FBXO25: variants seen among roughly 807,000 people sequenced by gnomAD.
FBXO25 encodes F-box protein 25.
In FBXO25, 45 loss-of-function variants were observed where a neutral mutation model predicts 51.9. The observed-to-expected ratio is 0.87, with a 90% CI of 0.68 to 1.11. The LOEUF is 1.11. Ranked by LOEUF, FBXO25 falls within the 50% of genes most tolerant of loss-of-function variation. The probability of loss-of-function intolerance (pLI) is 0.00; values close to 1 mark genes in which losing one functional copy is unlikely to be tolerated. For missense variants in FBXO25, 507 were observed against 428.5 expected, an observed-to-expected ratio of 1.18 and a Z score of -1.62; for synonymous variants, 199 against 151.0, an observed-to-expected ratio of 1.32 and a Z score of -2.33.
chr8:430,949 T>G (rs1327830936), intron 2 of FBXO25, among the ~76,000 whole-genome samples: 1 of 152,166 alleles, frequency 6.6e-6, no homozygotes, highest in Non-Finnish European at 1.5e-5. Flanking sequence ...AAATGTTGAG[T>G]GGTTACTCAG....
chr8:448,498 C>G (rs1798873624), intron 5 of FBXO25, among the ~76,000 whole-genome samples: 1 of 152,190 alleles, frequency 6.6e-6, no homozygotes, highest in Admixed American at 6.5e-5. Flanking sequence ...TATGTCCAGT[C>G]AAACCATCTT....
intron 1 of FBXO25, among the ~76,000 whole-genome samples, chr8:408,583 G>C (rs1420673268): frequency 6.6e-6 from 1 of 152,232 alleles, no homozygotes; most frequent in Non-Finnish European, 1.5e-5. Context: ...TATGTAGATT[G>C]TTTAGAGTAA....
intron 7 of FBXO25, among the ~76,000 whole-genome samples, chr8:454,935 T>G (rs138153092): frequency 3.9e-4 from 57 of 146,286 alleles, no homozygotes; most frequent in African/African-American, 1.4e-3. Flanking sequence ...GGGGAGAGTA[T>G]CCAGGTGATG....
At chr8:425,442 G>T (rs2117551645) in intron 2 of FBXO25, among the ~76,000 whole-genome samples, 2 of 148,052 alleles carry the variant, frequency 1.4e-5, no homozygotes. Flanking sequence ...GGTTTGTTTT[G>T]GTTGATTATT....
intron 2 of FBXO25, among the ~76,000 whole-genome samples, chr8:428,706 A>G (rs1202254228): frequency 2.0e-5 from 3 of 152,098 alleles, no homozygotes; most frequent in Non-Finnish European, 4.4e-5. Flanking sequence ...TTCATTCTCC[A>G]GCACCCCCAG....
At chr8:452,577 CCTT>C (rs1260740840) in intron 7 of FBXO25, among the ~76,000 whole-genome samples, 5 of 152,196 alleles carry the variant, frequency 3.3e-5, no homozygotes, top group Non-Finnish European at 7.3e-5. Context: ...CAGCAGGTGA[CCTT>C]CTGGGGAGAG....
chr8:475,702 T>C lies in FBXO25; in HGVS notation c.*6898T>C, dbSNP rs542834200. 6.6e-6 allele frequency: 1 copy of C among 152,334 alleles called. No individual in the cohort carries two copies. Among genetic ancestry groups the C allele is most frequent in the East Asian group, 1.9e-4 (1 of 5,192 alleles). 9.4% of individuals were successfully genotyped at this position (152,334 alleles called of 1,614,324 possible). ...ATAATGGAATTTTCTTAAATTTCCT[T>C]TTGAGATTGCTTGTTATTGTATAGA... is the stretch of plus-strand genomic sequence containing the variant. On this transcript the variant is annotated 3_prime_UTR_variant, in exon 10 of 10. Coordinates refer to ENST00000350302, the MANE Select transcript of FBXO25 (RefSeq NM_183420.2).
intron 2 of FBXO25, among the ~76,000 whole-genome samples, chr8:415,972 C>G (rs145185972): frequency 0.016 from 2,491 of 152,248 alleles, 50 homozygotes; most frequent in Non-Finnish European, 0.028. Flanking sequence ...TGTTCCTTGT[C>G]TTTTATGAAG....
chr8:413,216 A>C lies in FBXO25; in HGVS notation c.134+3A>C. 5 of 1,582,898 alleles carry C rather than the reference A, an allele frequency of 3.2e-6. No homozygotes were observed. The South Asian group carries it at 5.9e-5, about 19-fold the overall frequency. On this transcript the variant is annotated splice_donor_region_variant and intron_variant, in intron 2 of 9. Transcript: ENST00000350302. ...CGTTGTAACATCAGTCACAGCATGT[A>C]AGTTACAGCTGAGCAGAACCATGCC... is the stretch of plus-strand genomic sequence containing the variant.
At chr8:411,361 T>A (rs1240633716) in intron 1 of FBXO25, among the ~76,000 whole-genome samples, 1 of 152,340 alleles carries the variant, frequency 6.6e-6, no homozygotes, top group Middle Eastern at 3.4e-3. Flanking sequence ...TTTTGGCTCT[T>A]CCTTTTCAGT....
chr8:441,370 G>A (rs1798415292), intron 5 of FBXO25, among the ~76,000 whole-genome samples: 1 of 152,130 alleles, frequency 6.6e-6, no homozygotes, highest in Non-Finnish European at 1.5e-5. Context: ...ATTAACTCAA[G>A]ATGGATTAAA....
At chr8:454,932 G>GT (rs1799332902) in intron 7 of FBXO25, among the ~76,000 whole-genome samples, 1 of 150,530 alleles carries the variant, frequency 6.6e-6, no homozygotes, top group African/African-American at 2.5e-5. Context: ...TGAGGGGAGA[G>GT]TATCCAGGTG....
chr8:463,600 A>T (rs1000681453), intron 9 of FBXO25, among the ~76,000 whole-genome samples: 1 of 152,214 alleles, frequency 6.6e-6, no homozygotes, highest in African/African-American at 2.4e-5. Context: ...TTCATTTCTC[A>T]AAGCCACATT....
intron 7 of FBXO25, among the ~76,000 whole-genome samples, chr8:454,777 G>C (rs1799310898): frequency 6.6e-6 from 1 of 151,982 alleles, no homozygotes; most frequent in Non-Finnish European, 1.5e-5. Context: ...TGTGGTCCCA[G>C]CTACTTGGGA....
intron 8 of FBXO25, among the ~76,000 whole-genome samples, chr8:460,820 C>T (rs182721089): frequency 5.9e-5 from 9 of 152,298 alleles, no homozygotes; most frequent in South Asian, 2.1e-4. Context: ...AGGCTGATAA[C>T]GACTTTTTAT....
At chr8:421,409 G>A (rs970234395) in intron 2 of FBXO25, among the ~76,000 whole-genome samples, 1 of 152,182 alleles carries the variant, frequency 6.6e-6, no homozygotes, top group Admixed American at 6.5e-5. Context: ...TTGGAAAACA[G>A]TGTTTTGACA....
intron 9 of FBXO25, among the ~76,000 whole-genome samples, chr8:463,611 C>A (rs1222615529): frequency 6.6e-6 from 1 of 152,152 alleles, no homozygotes; most frequent in Non-Finnish European, 1.5e-5. Context: ...AAGCCACATT[C>A]TTAGAAAAAA....
intron 9 of FBXO25, among the ~76,000 whole-genome samples, chr8:467,165 C>G (rs535473407): frequency 2.0e-5 from 3 of 152,216 alleles, no homozygotes; most frequent in Admixed American, 1.3e-4. Context: ...GAGAACAGCA[C>G]AGGAGGGCAG....
At chr8:450,670 T>G (rs923218001) in intron 6 of FBXO25, 6 of 152,276 alleles carry the variant, frequency 3.9e-5, no homozygotes, top group Admixed American at 3.9e-4. Flanking sequence ...AATTTTAAAG[T>G]TTTAAGAAAT....
Sources: gnomAD v4.1 joint callset for allele counts (sites outside exome capture counted in the v4.1 genomes callset) on GRCh38, gnomAD v4.1.1 for gene constraint, MANE v1.5 for transcripts, NCBI Gene and HGNC (gene_info 2026-07-23, HGNC 2026-07-21) for gene names.